The following ZNF385D variants were observed in gnomAD, a reference collection of about 807,000 sequenced individuals.
ZNF385D encodes the protein zinc finger protein 659.
Under a neutral mutation model 35.8 loss-of-function variants are expected in ZNF385D, and 15 were observed. That is an observed-to-expected ratio of 0.42 (90% CI 0.28 to 0.64). The LOEUF (loss-of-function observed/expected upper bound fraction) is 0.64. Ranked by LOEUF, ZNF385D falls within the 30% of genes least tolerant of loss-of-function variation. ZNF385D has a pLI of 0.23. For missense variants in ZNF385D, 474 were observed against 494.6 expected, an observed-to-expected ratio of 0.96 and a Z score of 0.39; for synonymous variants, 212 against 186.8, an observed-to-expected ratio of 1.13 and a Z score of -1.10.
intron 2 of ZNF385D, among the ~76,000 whole-genome samples, chr3:22,256,660 T>C (rs1024791983): frequency 6.6e-6 from 1 of 151,914 alleles, no homozygotes; most frequent in Non-Finnish European, 1.5e-5. Context: ...GCAGTTATCA[T>C]AACAAATGGT....
intron 3 of ZNF385D, among the ~76,000 whole-genome samples, chr3:21,874,689 C>G (rs1269725043): frequency 6.6e-6 from 1 of 151,902 alleles, no homozygotes; most frequent in Non-Finnish European, 1.5e-5. Flanking sequence ...TAGCTTTGTT[C>G]TTTTTCAAGA....
At chr3:21,779,532 G>A (rs2071413605) in intron 3 of ZNF385D, among the ~76,000 whole-genome samples, 1 of 151,912 alleles carries the variant, frequency 6.6e-6, no homozygotes, top group South Asian at 2.1e-4. Context: ...ATCATAATTA[G>A]TGACTTCAGC....
At chr3:22,083,062 C>T (rs755156704) in intron 3 of ZNF385D, among the ~76,000 whole-genome samples, 2 of 152,308 alleles carry the variant, frequency 1.3e-5, no homozygotes, top group South Asian at 2.1e-4. Flanking sequence ...CACACCAAAT[C>T]CTCATCTGTA....
chr3:21,818,903 G>A (rs7371783), intron 3 of ZNF385D, among the ~76,000 whole-genome samples: 149,135 of 152,156 alleles, frequency 0.98, 73,088 homozygotes, highest in East Asian at 1. Flanking sequence ...TGAGAAACAC[G>A]TGAATGAATC....
At chr3:22,017,607 C>T (rs1696972283) in intron 3 of ZNF385D, among the ~76,000 whole-genome samples, 1 of 149,600 alleles carries the variant, frequency 6.7e-6, no homozygotes, top group Non-Finnish European at 1.5e-5. Flanking sequence ...TTTTTATTAT[C>T]CATTTTTTCC....
chr3:21,907,190 A>C (rs1490767748), intron 3 of ZNF385D, among the ~76,000 whole-genome samples: 2 of 152,284 alleles, frequency 1.3e-5, no homozygotes, highest in Admixed American at 1.3e-4. Context: ...ATTCCTTAAT[A>C]GATGTATAAT....
chr3:21,759,041 G>C (rs533295119), intron 3 of ZNF385D, among the ~76,000 whole-genome samples: 1 of 131,000 alleles, frequency 7.6e-6, no homozygotes, highest in Non-Finnish European at 1.6e-5. Context: ...TCCTGAACTC[G>C]AATGTTCAAG....
At chr3:22,048,081 T>A (rs1699115914) in intron 3 of ZNF385D, among the ~76,000 whole-genome samples, 1 of 152,184 alleles carries the variant, frequency 6.6e-6, no homozygotes, top group Non-Finnish European at 1.5e-5. Context: ...CATTTCTTAA[T>A]CAGGTTATTT....
At chr3:22,115,453 TTA>T (rs1334116248) in intron 3 of ZNF385D, among the ~76,000 whole-genome samples, 1 of 152,148 alleles carries the variant, frequency 6.6e-6, no homozygotes, top group Non-Finnish European at 1.5e-5. Context: ...CCAAATTATT[TTA>T]TGTCATACAG....
intron 3 of ZNF385D, among the ~76,000 whole-genome samples, chr3:21,535,859 A>G (rs757878764): frequency 3.8e-4 from 58 of 152,124 alleles, no homozygotes; most frequent in Middle Eastern, 3.4e-3. Flanking sequence ...CTTTCCTCTG[A>G]TACCATCCCA....
At chr3:21,425,697 G>A in intron 5 of ZNF385D, 27 bp from the exon 6 acceptor site, 1 of 1,469,054 alleles carries the variant, frequency 6.8e-7, no homozygotes, top group Non-Finnish European at 9.1e-7. Flanking sequence ...AATGAAGGAA[G>A]GAAAGGAGGG....
intron 6 of ZNF385D, among the ~76,000 whole-genome samples, 179 bp downstream of exon 6, chr3:21,425,313 T>C (rs1260159330): frequency 6.6e-6 from 1 of 152,154 alleles, no homozygotes; most frequent in African/African-American, 2.4e-5. Context: ...AAAATAAGTA[T>C]AAATAAATCA....
intron 3 of ZNF385D, among the ~76,000 whole-genome samples, chr3:22,071,537 C>A (rs1026773040): frequency 6.6e-6 from 1 of 152,142 alleles, no homozygotes; most frequent in Non-Finnish European, 1.5e-5. Flanking sequence ...AAGGAGCCAC[C>A]TTTGAAGTTA....
chr3:21,721,570 C>T (rs2068542695), intron 1 of ZNF385D, among the ~76,000 whole-genome samples: 1 of 152,062 alleles, frequency 6.6e-6, no homozygotes, highest in South Asian at 2.1e-4. Flanking sequence ...CAAGAAAATC[C>T]TATTTGGTAG....
At chr3:21,897,939 A>G (rs754969814) in intron 3 of ZNF385D, among the ~76,000 whole-genome samples, 3 of 152,130 alleles carry the variant, frequency 2.0e-5, no homozygotes, top group Non-Finnish European at 4.4e-5. Flanking sequence ...AGTTTTTAAA[A>G]AACTGAACCA....
chr3:21,887,733 G>C (rs920905832), intron 3 of ZNF385D, among the ~76,000 whole-genome samples: 1 of 152,040 alleles, frequency 6.6e-6, no homozygotes, highest in Non-Finnish European at 1.5e-5. Context: ...AAGTGTCTAA[G>C]ACTTACCCTA....
chr3:21,961,544 T>C (rs887187662), intron 3 of ZNF385D: 3 of 152,192 alleles, frequency 2.0e-5, no homozygotes, highest in Admixed American at 6.5e-5. Flanking sequence ...GAACAAACTA[T>C]AGTGATAAAT....
chr3:21,870,443 C>A (rs1475641221), intron 3 of ZNF385D, among the ~76,000 whole-genome samples: 1 of 152,170 alleles, frequency 6.6e-6, no homozygotes, highest in Non-Finnish European at 1.5e-5. Flanking sequence ...TTTGAATTAT[C>A]CGTGAACAAA....
intron 1 of ZNF385D, among the ~76,000 whole-genome samples, chr3:21,679,794 T>G (rs571670668): frequency 1.3e-5 from 2 of 152,202 alleles, no homozygotes; most frequent in East Asian, 3.9e-4. Context: ...TTGATTGACC[T>G]CGATAGAACT....
Sources: gnomAD v4.1 joint callset for allele counts (sites outside exome capture counted in the v4.1 genomes callset) on GRCh38, gnomAD v4.1.1 for gene constraint, MANE v1.5 for transcripts, NCBI Gene and HGNC (gene_info 2026-07-23, HGNC 2026-07-21) for gene names.